The following NUBPL variants were observed in gnomAD, a reference collection of about 807,000 sequenced individuals.
The protein encoded by NUBPL is iron-sulfur cluster transfer protein NUBPL.
A neutral mutation model predicts 45.7 loss-of-function variants in NUBPL; 31 were observed. That is an observed-to-expected ratio of 0.68 (90% CI 0.51 to 0.92). NUBPL has a LOEUF of 0.92. Ranked by LOEUF, NUBPL falls within the 40% of genes least tolerant of loss-of-function variation. The pLI is 0.00. For missense variants in NUBPL, 401 were observed against 398.7 expected, an observed-to-expected ratio of 1.01 and a Z score of -0.05; for synonymous variants, 144 against 140.9, an observed-to-expected ratio of 1.02 and a Z score of -0.15.
intron 6 of NUBPL, among the ~76,000 whole-genome samples, chr14:31,757,167 T>A (rs1350296167): frequency 3.0e-5 from 4 of 131,392 alleles, no homozygotes; most frequent in Non-Finnish European, 6.9e-5. Flanking sequence ...ATTCTCTTTT[T>A]TGGTTGTGTC....
chr14:31,860,458 T>G lies in NUBPL; in HGVS notation c.*1278T>G, dbSNP rs1175839303. On this transcript the variant is annotated 3_prime_UTR_variant, in exon 11 of 11. Transcript: ENST00000281081. Reference sequence around the variant, plus strand: ...AATACATTTTGAAAAACATTTATCTTGTCTAATTGAAGCTCAAAGAGATAG... The same window carrying G: ...AATACATTTTGAAAAACATTTATCTGGTCTAATTGAAGCTCAAAGAGATAG... The G allele has an allele frequency of 6.6e-6, 1 of 152,180 alleles. No individual in the cohort carries two copies. Among genetic ancestry groups the G allele is most frequent in the Non-Finnish European group, 1.5e-5 (1 of 68,026 alleles). The allele number at this position is 152,180 out of a possible 1,614,324, so 9.4% of individuals were successfully genotyped here. A position where few individuals can be genotyped will look rare whatever the true frequency, so the allele number is the denominator to read the frequency against.
Position 31,729,995 on chromosome 14 carries a change from T to G in NUBPL, c.513+56421T>G, listed in dbSNP as rs551210013. Among the ~76,000 whole-genome samples, 3 of 152,322 alleles carry G rather than the reference T, an allele frequency of 2.0e-5. No individual in the cohort carries two copies. The South Asian group carries it at 6.2e-4, about 32-fold the overall frequency. On this transcript the variant is annotated intron_variant, in intron 6 of 10. Transcript: ENST00000281081. ...ATGTATGCTGTAGGTTTCTAGTAGA[T>G]CCTTTTTATTAAGTTAAGGGTGTTT...
intron 6 of NUBPL, among the ~76,000 whole-genome samples, chr14:31,763,585 A>C (rs1258679518): frequency 6.6e-6 from 1 of 152,160 alleles, no homozygotes; most frequent in Non-Finnish European, 1.5e-5. Context: ...CTTACATTTT[A>C]TGTTGGCAAT....
intron 4 of NUBPL, among the ~76,000 whole-genome samples, chr14:31,624,904 A>C (rs1038511914): frequency 6.6e-6 from 1 of 152,156 alleles, no homozygotes; most frequent in Non-Finnish European, 1.5e-5. Context: ...TGGGGATGCT[A>C]CTGACATCTT....
At chr14:31,671,192 CTAGT>C (rs1354028002) in intron 4 of NUBPL, among the ~76,000 whole-genome samples, 2 of 152,002 alleles carry the variant, frequency 1.3e-5, no homozygotes, top group African/African-American at 4.8e-5. Flanking sequence ...TTTCACCTCC[CTAGT>C]TAGTTAGATT....
intron 7 of NUBPL, among the ~76,000 whole-genome samples, chr14:31,790,642 G>A (rs957300626): frequency 6.6e-5 from 10 of 151,146 alleles, no homozygotes; most frequent in African/African-American, 2.2e-4. Flanking sequence ...ACGAGGTCAG[G>A]AGATCGAGAC....
chr14:31,586,898 T>G (rs2034009180), intron 3 of NUBPL, among the ~76,000 whole-genome samples: 3 of 152,198 alleles, frequency 2.0e-5, no homozygotes, highest in Admixed American at 2.0e-4. Context: ...TTTTCCAAAA[T>G]GAATTTTGCA....
chr14:31,729,340 C>T (rs2037999994), intron 6 of NUBPL, among the ~76,000 whole-genome samples: 1 of 137,670 alleles, frequency 7.3e-6, no homozygotes, highest in Non-Finnish European at 1.5e-5. Flanking sequence ...ACACCATATG[C>T]AGAATATATG....
In NUBPL at chr14:31,636,038, A is replaced by C. The variant is rs928671231; in HGVS notation, c.382+36659A>C. 9.8e-3 allele frequency among the ~76,000 whole-genome samples: 1,484 copies of C among 152,132 alleles called. 13 individuals carry two copies. The highest frequency in any genetic ancestry group is 0.02 in the Middle Eastern group (6 of 294). On this transcript the variant is annotated intron_variant, in intron 4 of 10. Coordinates refer to ENST00000281081, the MANE Select transcript of NUBPL (RefSeq NM_025152.3). Reference sequence around the variant, plus strand: ...ATATACAATCATGTCATCTGCAAACAGGGACAATTTGACTTCCTCTTTTCC... The same window carrying C: ...ATATACAATCATGTCATCTGCAAACCGGGACAATTTGACTTCCTCTTTTCC...
intron 4 of NUBPL, among the ~76,000 whole-genome samples, chr14:31,606,284 G>T (rs1015460993): frequency 6.6e-6 from 1 of 151,726 alleles, no homozygotes; most frequent in African/African-American, 2.4e-5. Context: ...TAGAGCTGGG[G>T]TCTCACTGTG....
chr14:31,721,497 T>G (rs756444941), intron 6 of NUBPL, among the ~76,000 whole-genome samples: 1 of 151,554 alleles, frequency 6.6e-6, no homozygotes, highest in Non-Finnish European at 1.5e-5. Context: ...TGTAGGGTAA[T>G]TTTTTTTTCT....
intron 6 of NUBPL, 94 bp downstream of exon 6, chr14:31,673,668 A>G (rs1163735512): frequency 4.5e-6 from 5 of 1,105,044 alleles, no homozygotes; most frequent in African/African-American, 3.1e-5. Context: ...GCATTCAGGA[A>G]TCAGTTGATG....
chr14:31,587,205 G>T (rs189690923), intron 3 of NUBPL, among the ~76,000 whole-genome samples: 1 of 152,086 alleles, frequency 6.6e-6, no homozygotes, highest in African/African-American at 2.4e-5. Flanking sequence ...TCTGATACAC[G>T]TCTAGGGTTG....
intron 4 of NUBPL, among the ~76,000 whole-genome samples, chr14:31,673,021 T>C (rs937661244): frequency 5.3e-5 from 8 of 152,192 alleles, no homozygotes; most frequent in African/African-American, 1.9e-4. Context: ...GGGAATAAGT[T>C]CTAGTGATCT....
chr14:31,626,015 T>C (rs1402142033), intron 4 of NUBPL, among the ~76,000 whole-genome samples: 2 of 152,192 alleles, frequency 1.3e-5, no homozygotes, highest in South Asian at 2.1e-4. Context: ...TGTTTATCTT[T>C]TTAATTTTGA....
intron 2 of NUBPL, among the ~76,000 whole-genome samples, chr14:31,563,630 G>A (rs1185845131): frequency 2.6e-5 from 4 of 151,988 alleles, no homozygotes; most frequent in Admixed American, 1.3e-4. Flanking sequence ...ATTTATTCCT[G>A]CCTCAAACTA....
intron 6 of NUBPL, among the ~76,000 whole-genome samples, chr14:31,724,096 AT>A: frequency 1.3e-5 from 2 of 152,274 alleles, no homozygotes; most frequent in South Asian, 4.1e-4. Context: ...GGCTTTTATT[AT>A]TTTGAGCTCT....
chr14:31,587,755 T>A (rs1387545908), intron 3 of NUBPL, among the ~76,000 whole-genome samples: 1 of 152,242 alleles, frequency 6.6e-6, no homozygotes, highest in African/African-American at 2.4e-5. Context: ...TACTAGAGGC[T>A]ATTTTTCACA....
chr14:31,804,702 A>G (rs1310081967), intron 7 of NUBPL, among the ~76,000 whole-genome samples: 1 of 152,198 alleles, frequency 6.6e-6, no homozygotes, highest in Non-Finnish European at 1.5e-5. Flanking sequence ...TTCCTATTTA[A>G]TCAATGTTGC....
Sources: gnomAD v4.1 joint callset for allele counts (sites outside exome capture counted in the v4.1 genomes callset) on GRCh38, gnomAD v4.1.1 for gene constraint, MANE v1.5 for transcripts, NCBI Gene and HGNC (gene_info 2026-07-23, HGNC 2026-07-21) for gene names.